Variants in HCN1 observed in about 807,000 individuals in gnomAD.
HCN1 encodes potassium/sodium hyperpolarization-activated cyclic nucleotide-gated channel 1.
A neutral mutation model predicts 78.9 loss-of-function variants in HCN1; 13 were observed. That is an observed-to-expected ratio of 0.16 (90% CI 0.11 to 0.26). HCN1 has a LOEUF of 0.26. Ranked by LOEUF, HCN1 falls within the 10% of genes least tolerant of loss-of-function variation. The pLI is 1.00. For missense variants in HCN1, 810 were observed against 1,154.3 expected, an observed-to-expected ratio of 0.70 and a Z score of 4.32; for synonymous variants, 552 against 455.5, an observed-to-expected ratio of 1.21 and a Z score of -2.70.
At chr5:45,315,006 G>A (rs548089596) in intron 5 of HCN1, among the ~76,000 whole-genome samples, 4 of 152,178 alleles carry the variant, frequency 2.6e-5, no homozygotes, top group Non-Finnish European at 5.9e-5. Flanking sequence ...ACAGATCAAC[G>A]AGACAGAAAG....
chr5:45,483,461 T>A (rs1012375142), intron 2 of HCN1, among the ~76,000 whole-genome samples: 7 of 152,148 alleles, frequency 4.6e-5, no homozygotes, highest in Admixed American at 4.6e-4. Context: ...ATTTTTAAAA[T>A]GGGGTTATTT....
At chr5:45,441,941 TA>T (rs1022314490) in intron 3 of HCN1, among the ~76,000 whole-genome samples, 3 of 152,178 alleles carry the variant, frequency 2.0e-5, no homozygotes, top group Admixed American at 2.0e-4. Context: ...ATATCACAAC[TA>T]AAATATTTTA....
chr5:45,620,555 T>A (rs2111993728), intron 2 of HCN1, among the ~76,000 whole-genome samples: 1 of 151,824 alleles, frequency 6.6e-6, no homozygotes, highest in East Asian at 1.9e-4. Context: ...TGAGGAAACT[T>A]TAAAATACAT....
Position 45,303,646 on chromosome 5 carries a change from G to A in HCN1, c.1571C>T (p.Thr524Ile), listed in dbSNP as rs992806251. Residue 524 changes from threonine to isoleucine, a missense_variant, in exon 6 of 8, where the codon ACA (threonine) becomes ATA (isoleucine). Coordinates refer to ENST00000303230, the MANE Select transcript of HCN1 (RefSeq NM_021072.4). ...FIQHGVAGVI[T>I]KSSKEMKLTD... ...CAGCTTCATTTCTTTACTGGATTTT[G>A]TAATGACACCAGCAACACCGTGTTG... 6.2e-7 allele frequency: 1 copy of A among 1,613,374 alleles called. No individual in the cohort carries two copies. The highest frequency in any genetic ancestry group is 8.5e-7 in the Non-Finnish European group (1 of 1,179,600).
chr5:45,417,239 A>G (rs1740136070), intron 3 of HCN1, among the ~76,000 whole-genome samples: 2 of 151,990 alleles, frequency 1.3e-5, no homozygotes, highest in Admixed American at 6.6e-5. Flanking sequence ...TGTACAACCA[A>G]TTAAACAAGT....
intron 6 of HCN1, among the ~76,000 whole-genome samples, chr5:45,289,444 T>C (rs1745330337): frequency 6.6e-6 from 1 of 152,084 alleles, no homozygotes; most frequent in Non-Finnish European, 1.5e-5. Flanking sequence ...TCTCCTAGAC[T>C]CCACAGATAC....
At chr5:45,630,540 C>A (rs1327952905) in intron 2 of HCN1, among the ~76,000 whole-genome samples, 2 of 152,176 alleles carry the variant, frequency 1.3e-5, no homozygotes, top group East Asian at 3.9e-4. Flanking sequence ...TTCTTATTGT[C>A]CTCAGGGACA....
intron 6 of HCN1, among the ~76,000 whole-genome samples, chr5:45,296,686 TA>T (rs980603940): frequency 6.6e-6 from 1 of 151,852 alleles, no homozygotes; most frequent in Non-Finnish European, 1.5e-5. Flanking sequence ...TTGGAAAATA[TA>T]TTTTTTAAGA....
chr5:45,543,544 G>A (rs1302719417), intron 2 of HCN1, among the ~76,000 whole-genome samples: 1 of 151,918 alleles, frequency 6.6e-6, no homozygotes, highest in Non-Finnish European at 1.5e-5. Flanking sequence ...AAATTAATGA[G>A]TAAACAAATA....
chr5:45,256,100 G>T lies in HCN1; in HGVS notation c.*5821C>A, dbSNP rs1744607671. 6.6e-6 allele frequency: 1 copy of T among 152,200 alleles called. No individual in the cohort carries two copies. Among genetic ancestry groups the T allele is most frequent in the Non-Finnish European group, 1.5e-5 (1 of 68,040 alleles). The allele number at this position is 152,200 out of a possible 1,614,324, so 9.4% of individuals were successfully genotyped here. On this transcript the variant is annotated 3_prime_UTR_variant, in exon 8 of 8. Coordinates refer to ENST00000303230, the MANE Select transcript of HCN1 (RefSeq NM_021072.4). ...GAAAAAAATAGCAGGGCCGGGTGCG[G>T]TGGCTCAGGCCTGTAATCCTAGCAC...
intron 2 of HCN1, among the ~76,000 whole-genome samples, chr5:45,552,845 C>T (rs954227963): frequency 6.6e-6 from 1 of 151,838 alleles, no homozygotes; most frequent in Non-Finnish European, 1.5e-5. Flanking sequence ...ATGGACTCTA[C>T]ATGGCATAAT....
At chr5:45,512,442 T>G (rs780411537) in intron 2 of HCN1, among the ~76,000 whole-genome samples, 40 of 152,210 alleles carry the variant, frequency 2.6e-4, no homozygotes, top group South Asian at 1.2e-3. Context: ...GCTGGCCCCA[T>G]AGGGCTACTT....
intron 6 of HCN1, among the ~76,000 whole-genome samples, chr5:45,279,093 G>T (rs1745114443): frequency 6.6e-6 from 1 of 152,048 alleles, no homozygotes. Context: ...ATAAAATCTG[G>T]AAAGAACAGA....
chr5:45,650,302 G>T (rs150110397), intron 1 of HCN1, among the ~76,000 whole-genome samples: 2 of 152,148 alleles, frequency 1.3e-5, no homozygotes, highest in African/African-American at 4.8e-5. Flanking sequence ...ACACAAAAAT[G>T]ATAGCTTCGG....
At chr5:45,495,900 C>T (rs1264904055) in intron 2 of HCN1, among the ~76,000 whole-genome samples, 1 of 152,176 alleles carries the variant, frequency 6.6e-6, no homozygotes, top group Non-Finnish European at 1.5e-5. Context: ...TGCTGGATTA[C>T]ATTTATTGAT....
intron 3 of HCN1, among the ~76,000 whole-genome samples, chr5:45,454,926 C>A (rs572204846): frequency 6.6e-6 from 1 of 152,210 alleles, no homozygotes; most frequent in Admixed American, 6.5e-5. Flanking sequence ...CCACCCAGCA[C>A]ACATTTATTG....
At chr5:45,358,867 G>A (rs745986746) in intron 4 of HCN1, among the ~76,000 whole-genome samples, 1 of 152,176 alleles carries the variant, frequency 6.6e-6, no homozygotes, top group Non-Finnish European at 1.5e-5. Flanking sequence ...CACCTTTTAA[G>A]ATCTGACAGA....
chr5:45,689,244 C>A (rs1237930964), intron 1 of HCN1, among the ~76,000 whole-genome samples: 1 of 151,846 alleles, frequency 6.6e-6, no homozygotes, highest in Non-Finnish European at 1.5e-5. Context: ...ACATGTTTAC[C>A]TATTTAACAA....
intron 2 of HCN1, among the ~76,000 whole-genome samples, chr5:45,530,688 T>C (rs558733914): frequency 2.0e-5 from 3 of 152,204 alleles, no homozygotes; most frequent in South Asian, 4.1e-4. Flanking sequence ...ATAACAAAGT[T>C]TAACTTTAAT....
Sources: gnomAD v4.1 joint callset for allele counts (sites outside exome capture counted in the v4.1 genomes callset) on GRCh38, gnomAD v4.1.1 for gene constraint, MANE v1.5 for transcripts, NCBI Gene and HGNC (gene_info 2026-07-23, HGNC 2026-07-21) for gene names.